PPP4R1: variants seen among roughly 807,000 people sequenced by gnomAD.
The protein encoded by PPP4R1 is serine/threonine-protein phosphatase 4 regulatory subunit 1.
Under a neutral mutation model 111.2 loss-of-function variants are expected in PPP4R1, and 42 were observed. The observed-to-expected ratio is 0.38, with a 90% confidence interval of 0.29 to 0.49. The LOEUF is 0.49. Ranked by LOEUF, PPP4R1 falls within the 20% of genes least tolerant of loss-of-function variation. The pLI is 0.97. For missense variants in PPP4R1, 1,012 were observed against 1,161.6 expected (o/e 0.87, Z 1.87); for synonymous variants, 409 against 405.5 (o/e 1.01, Z -0.10).
intron 15 of PPP4R1, among the ~76,000 whole-genome samples, chr18:9,556,572 A>T (rs2066589633): frequency 6.6e-6 from 1 of 152,232 alleles, no homozygotes; most frequent in Admixed American, 6.5e-5. Context: ...TTCAAGGCTA[A>T]AGTCTAAAAA....
chr18:9,556,607 C>A (rs971327227), intron 15 of PPP4R1, among the ~76,000 whole-genome samples: 2 of 152,156 alleles, frequency 1.3e-5, no homozygotes, highest in African/African-American at 4.8e-5. Context: ...CAGGAGTAAA[C>A]AATTTGTAAA....
At chr18:9,559,306 C>T in intron 14 of PPP4R1, 113 bp downstream of exon 14, 1 of 1,072,986 alleles carries the variant, frequency 9.3e-7, no homozygotes, top group East Asian at 2.6e-5. Flanking sequence ...ACATAATTTC[C>T]TATAACACTA....
At chr18:9,596,445 T>G (rs1290405143) in intron 2 of PPP4R1, among the ~76,000 whole-genome samples, 2 of 152,242 alleles carry the variant, frequency 1.3e-5, no homozygotes, top group Admixed American at 1.3e-4. Flanking sequence ...GTTTTACTTA[T>G]AGTCTGTCTC....
At chr18:9,614,582 G>A, upstream of PPP4R1, 1 of 824,882 alleles carries the variant, frequency 1.2e-6, no homozygotes, top group Non-Finnish European at 1.5e-6. The surrounding 1 kb of genome is among the most constrained non-coding windows in gnomAD (Gnocchi z 4.1). Context: ...GAGGGGCGGC[G>A]GGGAGGAGGA....
intron 15 of PPP4R1, among the ~76,000 whole-genome samples, chr18:9,555,826 A>AT (rs2066563848): frequency 6.6e-6 from 1 of 152,142 alleles, no homozygotes; most frequent in African/African-American, 2.4e-5. Context: ...ACTATAAAGG[A>AT]CAATACTGGG....
At chr18:9,572,403 T>C (rs925263993) in intron 10 of PPP4R1, among the ~76,000 whole-genome samples, 2 of 152,092 alleles carry the variant, frequency 1.3e-5, no homozygotes, top group Admixed American at 6.5e-5. Context: ...CAGAGATTGA[T>C]GAAATAACTG....
Position 9,608,901 on chromosome 18 carries a change from T to A in PPP4R1, c.52+5325A>T, listed in dbSNP as rs145128926. On this transcript the variant is annotated intron_variant, in intron 2 of 19. Coordinates refer to ENST00000400556, the MANE Select transcript of PPP4R1 (RefSeq NM_001042388.3). ...CAAATGTGGCAGCAGACTTCTGAACTTTACCTCCTGAGGTCTATTTATCTT... is the reference window on the plus strand; with the variant it reads ...CAAATGTGGCAGCAGACTTCTGAACATTACCTCCTGAGGTCTATTTATCTT... Among the ~76,000 whole-genome samples, 446 of 152,334 alleles carry A rather than the reference T, an allele frequency of 2.9e-3. 2 individuals are homozygous for A. The highest frequency in any genetic ancestry group is 0.01 in the African/African-American group (425 of 41,580).
At chr18:9,555,861 GCATGGTGGCTCA>G (rs2066564851) in intron 15 of PPP4R1, among the ~76,000 whole-genome samples, 1 of 152,070 alleles carries the variant, frequency 6.6e-6, no homozygotes, top group South Asian at 2.1e-4. Context: ...TTTAGGCCAG[GCATGGTGGCTCA>G]CGCCTGTAAT....
intron 2 of PPP4R1, chr18:9,612,668 TA>T (rs1213000068): frequency 2.0e-5 from 3 of 152,206 alleles, no homozygotes; most frequent in African/African-American, 7.2e-5. Flanking sequence ...CGAGGTAACA[TA>T]ATCAGGGCCA....
chr18:9,558,356 C>T (rs758147129), intron 14 of PPP4R1, among the ~76,000 whole-genome samples: 2 of 152,132 alleles, frequency 1.3e-5, no homozygotes, highest in African/African-American at 2.4e-5. Context: ...ATACATCCCA[C>T]GGGAACCCTA....
At chr18:9,611,216 G>A (rs62088909) in intron 2 of PPP4R1, among the ~76,000 whole-genome samples, 4 of 151,932 alleles carry the variant, frequency 2.6e-5, no homozygotes, top group Non-Finnish European at 2.9e-5. Flanking sequence ...CCATCCCAAG[G>A]GCCAACTTAC....
intron 15 of PPP4R1, 37 bp from the exon 16 acceptor site, chr18:9,553,459 G>T (rs1209540674): frequency 7.3e-7 from 1 of 1,368,182 alleles, no homozygotes; most frequent in Non-Finnish European, 1.0e-6. Flanking sequence ...CCAGGACAAG[G>T]TACAGACAGT....
Position 9,614,097 on chromosome 18 carries a change from G to C in PPP4R1, c.52+129C>G. 1.2e-6 allele frequency: 1 copy of C among 808,536 alleles called. No individual in the cohort carries two copies. Among genetic ancestry groups the C allele is most frequent in the Non-Finnish European group, 1.6e-6 (1 of 618,260 alleles). 50.1% of individuals were successfully genotyped at this position (808,536 alleles called of 1,614,324 possible). A position where few individuals can be genotyped will look rare whatever the true frequency, so the allele number is the denominator to read the frequency against. On this transcript the variant is annotated intron_variant, in intron 2 of 19. Coordinates refer to ENST00000400556, the MANE Select transcript of PPP4R1 (RefSeq NM_001042388.3). The surrounding 1 kb of genome is among the most constrained non-coding windows in gnomAD (Gnocchi z 4.1). ...ATTTTCCCCCCCGATCGCCACCCCA[G>C]CCCGCCTGGGGCCGCCCTCGCCCAC...
chr18:9,607,783 C>CTTTTTTTTT, intron 2 of PPP4R1, among the ~76,000 whole-genome samples: 1 of 125,378 alleles, frequency 8.0e-6, no homozygotes, highest in Non-Finnish European at 1.7e-5. Context: ...TTCTTTCTTT[C>CTTTTTTTTT]TTTTTTTTTT....
chr18:9,549,440 G>T, intron 18 of PPP4R1, 102 bp from the exon 19 acceptor site: 11 of 1,426,374 alleles, frequency 7.7e-6, no homozygotes, highest in Non-Finnish European at 9.5e-7. Flanking sequence ...ACAAATTTTA[G>T]TTATTGCTTT....
At chr18:9,550,926 G>A (rs2066478973) in intron 16 of PPP4R1, 1 of 152,716 alleles carries the variant, frequency 6.5e-6, no homozygotes, top group Admixed American at 6.5e-5. Flanking sequence ...CATCTACCAA[G>A]CTAACCTGAA....
intron 2 of PPP4R1, among the ~76,000 whole-genome samples, chr18:9,611,656 C>G (rs535495211): frequency 6.6e-6 from 1 of 152,356 alleles, no homozygotes; most frequent in South Asian, 2.1e-4. Context: ...ATGCAAATAA[C>G]TATTGTGCCT....
chr18:9,595,146 C>A lies in PPP4R1; in HGVS notation c.60G>T (p.Val20=). The A allele has an allele frequency of 6.2e-7, 1 of 1,613,608 alleles. No individual in the cohort carries two copies. The highest frequency in any genetic ancestry group is 1.1e-5 in the South Asian group (1 of 91,064). The part of the protein sequence containing the change: ...DLQEDADGFG[V]DDYSSESDVI... ...CATCAGACTCTGAGCTGTAGTCATC[C>A]ACACCAACTATCAGAGACATCAGAA... Residue 20 remains valine, a synonymous_variant, in exon 3 of 20, where the codon GTG becomes GTT. Transcript: ENST00000400556.
At chr18:9,598,815 A>G (rs1336618500) in intron 2 of PPP4R1, among the ~76,000 whole-genome samples, 2 of 152,072 alleles carry the variant, frequency 1.3e-5, no homozygotes, top group African/African-American at 2.4e-5. Context: ...ACTTGAGCTC[A>G]GGAGTTCAAG....
Sources: allele counts gnomAD v4.1 joint callset (sites outside exome capture counted in the v4.1 genomes callset), GRCh38; gene constraint gnomAD v4.1.1; non-coding constraint Gnocchi (gnomAD v3.1); transcripts MANE v1.5; gene names NCBI Gene and HGNC (gene_info 2026-07-23, HGNC 2026-07-21).